The following SUFU variants were observed in gnomAD, a reference collection of about 807,000 sequenced individuals.
SUFU encodes SUFU negative regulator of hedgehog signaling.
In SUFU, 7 loss-of-function variants were observed where a neutral mutation model predicts 58.9. The ratio of observed to expected loss-of-function variants is 0.12; its 90% CI spans 0.07 to 0.22. SUFU has a LOEUF of 0.22. SUFU is among the 10% of genes least tolerant of loss of function. SUFU has a pLI of 1.00. For synonymous variants in SUFU, 232 were observed against 254.8 expected, an observed-to-expected ratio of 0.91 and a Z score of 0.85; for missense variants, 451 against 641.3, an observed-to-expected ratio of 0.70 and a Z score of 3.20.
chr10:102,583,644 TTTTCC>T (rs2063306098), intron 3 of SUFU, among the ~76,000 whole-genome samples: 2 of 152,224 alleles, frequency 1.3e-5, no homozygotes, highest in Admixed American at 6.5e-5. Flanking sequence ...CTTTCCAGCC[TTTTCC>T]CTGTTTCCAG....
intron 3 of SUFU, among the ~76,000 whole-genome samples, chr10:102,580,764 T>C (rs1672058778): frequency 2.0e-5 from 3 of 152,202 alleles, no homozygotes; most frequent in Non-Finnish European, 4.4e-5. Flanking sequence ...ATTGTGCGGG[T>C]GTGCTAAGGG....
intron 2 of SUFU, among the ~76,000 whole-genome samples, chr10:102,544,571 C>T (rs754193204): frequency 3.9e-5 from 6 of 151,910 alleles, no homozygotes; most frequent in African/African-American, 1.2e-4. Flanking sequence ...TGGTGGCACG[C>T]GCCTGTAGTC....
Position 102,590,153 on chromosome 10 carries a change from CTTTTTTCTTTTTTTT to C in SUFU, c.455-2422_455-2408del, listed in dbSNP as rs1214522652. On this transcript the variant is annotated intron_variant, in intron 3 of 11. Coordinates refer to ENST00000369902, the MANE Select transcript of SUFU (RefSeq NM_016169.4). The stretch of plus-strand genomic sequence containing the variant: ...CCCCCGACTTTTTCTTTTTTTTTTT[CTTTTTTCTTTTTTTT>C]TTTTTTTTGAGACAGAGTACAGAGT... Among the ~76,000 whole-genome samples, 7 of 73,840 alleles carry C rather than the reference CTTTTTTCTTTTTTTT, an allele frequency of 9.5e-5. No individual in the cohort carries two copies. In the South Asian group the frequency reaches 2.1e-3, roughly 22 times the overall value. The allele number at this position is 73,840 out of a possible 152,430, so 48.4% of individuals were successfully genotyped here.
chr10:102,573,256 A>C, intron 3 of SUFU: 1 of 663,718 alleles, frequency 1.5e-6, no homozygotes, highest in Admixed American at 2.3e-5. Flanking sequence ...TTTAATTAAC[A>C]CAAAATCATC....
At chr10:102,596,443 G>A (rs1331618399) in intron 6 of SUFU, among the ~76,000 whole-genome samples, 1 of 152,176 alleles carries the variant, frequency 6.6e-6, no homozygotes, top group African/African-American at 2.4e-5. Context: ...CAGTACCAAG[G>A]CCTGCACAAA....
intron 7 of SUFU, among the ~76,000 whole-genome samples, chr10:102,598,901 G>A (rs2063489610): frequency 1.3e-5 from 2 of 152,268 alleles, no homozygotes; most frequent in Admixed American, 6.5e-5. Context: ...TCCATGGAGA[G>A]GCAGAGTTTC....
At chr10:102,583,211 A>G (rs1340007541) in intron 3 of SUFU, among the ~76,000 whole-genome samples, 4 of 152,156 alleles carry the variant, frequency 2.6e-5, no homozygotes, top group South Asian at 2.1e-4. Context: ...GGGCTCTTTC[A>G]TTGTTAAGAA....
chr10:102,603,233 C>T (rs2063530610), intron 8 of SUFU, among the ~76,000 whole-genome samples: 2 of 152,166 alleles, frequency 1.3e-5, no homozygotes, highest in Non-Finnish European at 2.9e-5. Context: ...AAGATCATAG[C>T]TCACTGCAGC....
intron 3 of SUFU, among the ~76,000 whole-genome samples, chr10:102,572,299 C>G (rs1235977939): frequency 6.7e-6 from 1 of 150,312 alleles, no homozygotes; most frequent in Non-Finnish European, 1.5e-5. Context: ...TGGTCTGGAA[C>G]TCCTGACCTC....
At chr10:102,580,634 T>A (rs1361515680) in intron 3 of SUFU, among the ~76,000 whole-genome samples, 3 of 152,222 alleles carry the variant, frequency 2.0e-5, no homozygotes, top group Middle Eastern at 3.4e-3. Context: ...GCTGCCTTCC[T>A]TTGGTGGGTG....
At chr10:102,522,508 T>C (rs1409310) in intron 2 of SUFU, among the ~76,000 whole-genome samples, 53,354 of 152,038 alleles carry the variant, frequency 0.35, 9,523 homozygotes, top group African/African-American at 0.39. Context: ...CCAGGGTCCT[T>C]GTACTCGAGG....
At chr10:102,509,978 A>G (rs2062380051) in intron 2 of SUFU, among the ~76,000 whole-genome samples, 1 of 152,028 alleles carries the variant, frequency 6.6e-6, no homozygotes, top group Admixed American at 6.5e-5. Flanking sequence ...AGCTGGGACG[A>G]CAGGCAAGCA....
chr10:102,540,203 G>A (rs2047257079), intron 2 of SUFU, among the ~76,000 whole-genome samples: 1 of 152,110 alleles, frequency 6.6e-6, no homozygotes, highest in African/African-American at 2.4e-5. Flanking sequence ...GCCATGATCC[G>A]GAGGCTAGGT....
chr10:102,590,165 T>C (rs1191691497), intron 3 of SUFU, among the ~76,000 whole-genome samples: 4 of 135,754 alleles, frequency 2.9e-5, no homozygotes, highest in African/African-American at 5.6e-5. Context: ...TTTTTCTTTT[T>C]TTTTTTTTTT....
chr10:102,531,085 A>C (rs1188125973), intron 2 of SUFU, among the ~76,000 whole-genome samples: 1 of 24,328 alleles, frequency 4.1e-5, no homozygotes, highest in African/African-American at 7.6e-5. Context: ...TTTCTACCAA[A>C]AAAAAAAAAA....
At chr10:102,561,476 TC>T (rs2063036648) in intron 3 of SUFU, among the ~76,000 whole-genome samples, 1 of 152,078 alleles carries the variant, frequency 6.6e-6, no homozygotes, top group South Asian at 2.1e-4. Flanking sequence ...CTCAAGTGAT[TC>T]TCCTGCCTCA....
chr10:102,604,407 T>G (rs1422877353), intron 8 of SUFU, among the ~76,000 whole-genome samples: 2 of 152,204 alleles, frequency 1.3e-5, no homozygotes, highest in Non-Finnish European at 1.5e-5. Context: ...TTTAACTCCG[T>G]TCTTTGCTCC....
chr10:102,568,733 G>A (rs2063119660), intron 3 of SUFU, among the ~76,000 whole-genome samples: 1 of 151,190 alleles, frequency 6.6e-6, no homozygotes, highest in Non-Finnish European at 1.5e-5. Context: ...AATTATCTGG[G>A]TGAGGTGGCG....
chr10:102,540,717 AAT>A (rs35189970), intron 2 of SUFU, among the ~76,000 whole-genome samples: 52,238 of 149,246 alleles, frequency 0.35, 9,165 homozygotes, highest in African/African-American at 0.39. Context: ...CTGCCTTTAA[AAT>A]ATATATATAT....
Sources: allele counts gnomAD v4.1 joint callset (sites outside exome capture counted in the v4.1 genomes callset), GRCh38; gene constraint gnomAD v4.1.1; transcripts MANE v1.5; gene names NCBI Gene and HGNC (gene_info 2026-07-23, HGNC 2026-07-21).